The following ARHGEF9 variants were observed in gnomAD, a reference collection of about 807,000 sequenced individuals.
ARHGEF9 encodes the protein Cdc42 guanine nucleotide exchange factor 9.
Under a neutral mutation model 41.3 loss-of-function variants are expected in ARHGEF9, and 2 were observed. That is an observed-to-expected ratio of 0.05 (90% confidence interval 0.02 to 0.15). The LOEUF (loss-of-function observed/expected upper bound fraction) is 0.15, where lower values mean the gene tolerates loss of function less well. ARHGEF9 is among the 10% of genes least tolerant of loss of function. ARHGEF9 has a pLI of 1.00. For synonymous variants in ARHGEF9, 160 were observed against 154.4 expected, an observed-to-expected ratio of 1.04 and a Z score of -0.27; for missense variants, 225 against 424.7, an observed-to-expected ratio of 0.53 and a Z score of 4.13.
rs782497663 is a variant in ARHGEF9, at chrX:63,680,167, CTTCCT to C, written c.583-1600_583-1596del. On this transcript the variant is annotated intron_variant, in intron 4 of 9. Transcript: ENST00000671741. ...AAGATGGCAGAGTAGGAAATATCGC[CTTCCT>C]TTCTTCAGCAAACAACAACAATTTG... Among the ~76,000 whole-genome samples the C allele has an allele frequency of 2.7e-5, 3 of 112,117 alleles. No individual in the cohort carries two copies. The South Asian group carries it at 1.1e-3, about 42-fold the overall frequency.
chrX:63,755,755 T>C, intron 1 of ARHGEF9: 1 of 564,340 alleles, frequency 1.8e-6, no homozygotes, highest in Non-Finnish European at 2.1e-6. Context: ...ACCAGTGTTG[T>C]GGACAGAATC....
chrX:63,700,586 G>A (rs2052088948), intron 3 of ARHGEF9, among the ~76,000 whole-genome samples: 1 of 111,903 alleles, frequency 8.9e-6, no homozygotes, highest in South Asian at 3.8e-4. Flanking sequence ...GCAATTGGAA[G>A]GTAGTCATAC....
At position 63,745,816 on chromosome X, in the gene ARHGEF9, G is replaced by A. The variant is rs782809486; in HGVS notation, c.31-21105C>T. On this transcript the variant is annotated intron_variant, in intron 1 of 9. Coordinates refer to ENST00000671741, the MANE Select transcript of ARHGEF9 (RefSeq NM_001353921.2). ...TCCCCAAGCACTATGGCTGGGCTTG[G>A]CAGAGCCATCTCCACTCTTCTAATT... 2.7e-5 allele frequency among the ~76,000 whole-genome samples: 3 copies of A among 111,470 alleles called. No individual in the cohort carries two copies. The South Asian group carries it at 1.1e-3, about 42-fold the overall frequency.
At chrX:63,717,484 G>A (rs1368261289) in intron 2 of ARHGEF9, among the ~76,000 whole-genome samples, 2 of 111,897 alleles carry the variant, frequency 1.8e-5, no homozygotes, top group African/African-American at 6.5e-5. Context: ...ACACATAGCA[G>A]CAACAAGAAA....
chrX:63,684,397 G>A (rs1205719412), intron 4 of ARHGEF9, among the ~76,000 whole-genome samples: 1 of 111,396 alleles, frequency 9.0e-6, no homozygotes, highest in Admixed American at 9.5e-5. Context: ...TAGAGAAAAG[G>A]AGACCCTTGT....
intron 1 of ARHGEF9, among the ~76,000 whole-genome samples, chrX:63,773,957 C>A (rs1472427002): frequency 3.6e-5 from 4 of 110,422 alleles, no homozygotes; most frequent in Non-Finnish European, 7.6e-5. Context: ...AGGGCTACAC[C>A]TACACATTAA....
chrX:63,701,160 CTCCAGAAAAG>C (rs2052137154), intron 3 of ARHGEF9, among the ~76,000 whole-genome samples: 1 of 111,059 alleles, frequency 9.0e-6, no homozygotes, highest in African/African-American at 3.3e-5. Flanking sequence ...TACCCAAGAT[CTCCAGAAAAG>C]ATCCTAGAAA....
chrX:63,644,963 C>T (rs781962835), intron 8 of ARHGEF9, among the ~76,000 whole-genome samples: 1 of 108,522 alleles, frequency 9.2e-6, no homozygotes, highest in Non-Finnish European at 1.9e-5. Context: ...TTTGTAGACA[C>T]GAGGTCTCCC....
intron 1 of ARHGEF9, among the ~76,000 whole-genome samples, chrX:63,748,784 T>C (rs1394991856): frequency 8.9e-6 from 1 of 112,385 alleles, no homozygotes; most frequent in Admixed American, 9.4e-5. Context: ...GTGATCTGAA[T>C]GTTCAGTGAG....
chrX:63,756,183 G>C (rs782101356), intron 1 of ARHGEF9, among the ~76,000 whole-genome samples: 2 of 111,868 alleles, frequency 1.8e-5, no homozygotes, highest in Non-Finnish European at 3.8e-5. Flanking sequence ...TGAGAATTCA[G>C]TTAAACCTCA....
intron 2 of ARHGEF9, among the ~76,000 whole-genome samples, chrX:63,708,295 C>G (rs2052689587): frequency 8.9e-6 from 1 of 111,831 alleles, no homozygotes; most frequent in East Asian, 2.8e-4. Context: ...CATAGGCAGG[C>G]CTTTAAGGAA....
At chrX:63,647,858 T>C (rs2048225942) in intron 8 of ARHGEF9, among the ~76,000 whole-genome samples, 1 of 111,254 alleles carries the variant, frequency 9.0e-6, no homozygotes, top group Non-Finnish European at 1.9e-5. Flanking sequence ...ATCCGTCTGG[T>C]CCTGGACTTT....
chrX:63,725,023 G>A (rs2053874150), intron 1 of ARHGEF9: 1 of 276,655 alleles, frequency 3.6e-6, no homozygotes, highest in Admixed American at 5.9e-5. Context: ...TCTCCTTGGT[G>A]CTTCAAGGCA....
chrX:63,732,835 T>C (rs1332904999), intron 1 of ARHGEF9, among the ~76,000 whole-genome samples: 1 of 111,885 alleles, frequency 8.9e-6, no homozygotes, highest in Non-Finnish European at 1.9e-5. Flanking sequence ...ATCCTACTTC[T>C]GTGCCTCTGA....
intron 1 of ARHGEF9, among the ~76,000 whole-genome samples, chrX:63,782,592 A>G (rs782466922): frequency 8.9e-6 from 1 of 112,787 alleles, no homozygotes; most frequent in East Asian, 2.8e-4. Context: ...TACATGTAAC[A>G]CTTGAAATAA....
At chrX:63,731,934 G>A (rs2054325550) in intron 1 of ARHGEF9, 1 of 111,414 alleles carries the variant, frequency 9.0e-6, no homozygotes, top group African/African-American at 3.3e-5. Flanking sequence ...TTCCAGCTCT[G>A]GTATTCTACT....
intron 1 of ARHGEF9, among the ~76,000 whole-genome samples, chrX:63,741,485 G>C (rs2054944059): frequency 8.9e-6 from 1 of 112,637 alleles, no homozygotes; most frequent in South Asian, 3.6e-4. Flanking sequence ...GACGTGTTCT[G>C]CATCAAAATA....
chrX:63,644,842 T>C (rs2047899455), intron 8 of ARHGEF9, among the ~76,000 whole-genome samples: 1 of 108,790 alleles, frequency 9.2e-6, no homozygotes, highest in Non-Finnish European at 1.9e-5. Context: ...CATGGCTCAC[T>C]GCAGCCTTGA....
intron 1 of ARHGEF9, among the ~76,000 whole-genome samples, chrX:63,737,919 A>T: frequency 8.9e-6 from 1 of 112,645 alleles, no homozygotes; most frequent in African/African-American, 3.2e-5. Flanking sequence ...CTAATAATAA[A>T]AAATGGCTAA....
Sources: allele counts gnomAD v4.1 joint callset (sites outside exome capture counted in the v4.1 genomes callset), GRCh38; gene constraint gnomAD v4.1.1; transcripts MANE v1.5; gene names NCBI Gene and HGNC (gene_info 2026-07-23, HGNC 2026-07-21).